Variants in AFDN observed in about 807,000 individuals in gnomAD.
AFDN encodes the protein afadin.
A neutral mutation model predicts 216.6 loss-of-function variants in AFDN; 68 were observed. The ratio of observed to expected loss-of-function variants is 0.31; its 90% confidence interval spans 0.26 to 0.38. AFDN has a LOEUF of 0.38. Among genes scored for constraint, AFDN ranks in the 10% least tolerant of loss-of-function variants. The pLI, the probability that AFDN is intolerant of heterozygous loss-of-function variation, is 1.00. For missense variants in AFDN, 2,136 were observed against 2,342.0 expected, an observed-to-expected ratio of 0.91 and a Z score of 1.82; for synonymous variants, 868 against 853.7, an observed-to-expected ratio of 1.02 and a Z score of -0.29.
chr6:167,957,140 G>T (rs1003110390), intron 30 of AFDN, among the ~76,000 whole-genome samples: 1 of 152,004 alleles, frequency 6.6e-6, no homozygotes, highest in Non-Finnish European at 1.5e-5. Flanking sequence ...GCACATGCAG[G>T]TGTCTCTCAG....
intron 1 of AFDN, among the ~76,000 whole-genome samples, chr6:167,852,077 G>C (rs763116419): frequency 6.6e-6 from 1 of 152,038 alleles, no homozygotes; most frequent in Non-Finnish European, 1.5e-5. Context: ...CCTAAAACCC[G>C]TCATGTTATT....
At chr6:167,873,998 A>G (rs1562589307) in intron 4 of AFDN, among the ~76,000 whole-genome samples, 1 of 152,260 alleles carries the variant, frequency 6.6e-6, no homozygotes, top group Non-Finnish European at 1.5e-5. Flanking sequence ...TGAGTCTAGT[A>G]TTACATAATA....
intron 23 of AFDN, among the ~76,000 whole-genome samples, chr6:167,930,299 T>C (rs765843981): frequency 5.9e-5 from 9 of 152,216 alleles, no homozygotes; most frequent in Non-Finnish European, 1.3e-4. Context: ...TTTTTTTACC[T>C]AGTGATAAAA....
intron 1 of AFDN, among the ~76,000 whole-genome samples, chr6:167,832,392 CGTT>C (rs1052924822): frequency 2.6e-5 from 4 of 152,092 alleles, no homozygotes; most frequent in Non-Finnish European, 5.9e-5. Context: ...GAACATTTCT[CGTT>C]GTGTGTAACT....
chr6:167,927,329 T>C (rs1411209641), intron 23 of AFDN, among the ~76,000 whole-genome samples: 1 of 152,110 alleles, frequency 6.6e-6, no homozygotes, highest in Non-Finnish European at 1.5e-5. Flanking sequence ...GAAACGAGTC[T>C]TGTGTGGGCC....
intron 1 of AFDN, among the ~76,000 whole-genome samples, chr6:167,833,765 G>A (rs940446115): frequency 1.3e-5 from 2 of 152,106 alleles, no homozygotes; most frequent in Non-Finnish European, 2.9e-5. Context: ...TGAAATGGGA[G>A]TAACAATATG....
chr6:167,847,089 GA>G (rs1781782488), intron 1 of AFDN, among the ~76,000 whole-genome samples: 1 of 152,008 alleles, frequency 6.6e-6, no homozygotes, highest in Non-Finnish European at 1.5e-5. Flanking sequence ...TTAACTTCAC[GA>G]AAACCACTCT....
intron 29 of AFDN, 105 bp downstream of exon 29, chr6:167,948,583 T>C: frequency 9.0e-7 from 1 of 1,108,330 alleles, no homozygotes; most frequent in Non-Finnish European, 1.2e-6. Flanking sequence ...GTTGGCCTTT[T>C]GTTTTTCCTT....
Position 167,907,285 on chromosome 6 carries a change from A to G in AFDN, c.1765A>G (p.Ser589Gly). The G allele has an allele frequency of 3.1e-6, 5 of 1,612,178 alleles. No homozygotes were observed. The highest frequency in any genetic ancestry group is 4.2e-6 in the Non-Finnish European group (5 of 1,178,216). ...GCAGCCAGATTATCGCAGGCAAGAA[A>G]GCAGGTAGGAAACACATCATTTTTC... ...EQQPDYRRQE[S>G]RTQDASGPEL... Residue 589 changes from serine (S) to glycine (G), a missense_variant, in exon 13 of 34, where the codon AGC (serine) becomes GGC (glycine). This residue lies in a region of AFDN where 817 missense variants were observed against 965.7 expected (regional missense o/e 0.85). Transcript: ENST00000683244.
At chr6:167,874,206 T>TGGA (rs1785088788) in intron 4 of AFDN, among the ~76,000 whole-genome samples, 1 of 152,198 alleles carries the variant, frequency 6.6e-6, no homozygotes. Flanking sequence ...ACTGTGCCAC[T>TGGA]GGACTACATA....
At chr6:167,832,025 G>A (rs1583071741) in intron 1 of AFDN, among the ~76,000 whole-genome samples, 1 of 152,168 alleles carries the variant, frequency 6.6e-6, no homozygotes, top group Non-Finnish European at 1.5e-5. Context: ...TTATTTTCAG[G>A]TTAGATTGAG....
At chr6:167,931,004 G>A (rs779882643) in intron 23 of AFDN, among the ~76,000 whole-genome samples, 6 of 138,652 alleles carry the variant, frequency 4.3e-5, no homozygotes, top group Non-Finnish European at 8.1e-5. Context: ...CAATAGGGTC[G>A]TGGCAGTGGA....
Position 167,962,978 on chromosome 6 carries a change from T to C in AFDN, c.4968+411T>C. The C allele has an allele frequency of 4.6e-6, 5 of 1,090,346 alleles. No homozygotes were observed. Among genetic ancestry groups the C allele is most frequent in the Non-Finnish European group, 5.6e-6 (5 of 893,318 alleles). 67.5% of individuals were successfully genotyped at this position (1,090,346 alleles called of 1,614,324 possible). Reference sequence around the variant, plus strand: ...GTAGGAGCGTAGTAAGACAGTTGGCTGCCATTCAACATTTCAAATAGATGG... The same window carrying C: ...GTAGGAGCGTAGTAAGACAGTTGGCCGCCATTCAACATTTCAAATAGATGG... On this transcript the variant is annotated intron_variant, in intron 31 of 33. Coordinates refer to ENST00000683244, the MANE Select transcript of AFDN (RefSeq NM_001386888.1). The surrounding 1 kb of genome is among the most constrained non-coding windows in gnomAD (Gnocchi z 5.2).
chr6:167,882,485 CAAAAA>C (rs143438459), intron 6 of AFDN, among the ~76,000 whole-genome samples: 2 of 142,464 alleles, frequency 1.4e-5, no homozygotes, highest in Non-Finnish European at 1.5e-5. Flanking sequence ...ACTAAAACTA[CAAAAA>C]AAAAAAAAAA....
At chr6:167,864,913 G>A (rs1435622837) in intron 2 of AFDN, 167 bp downstream of exon 2, 1 of 785,514 alleles carries the variant, frequency 1.3e-6, no homozygotes, top group South Asian at 1.3e-5. Flanking sequence ...TTTATGTCTG[G>A]GAAGTGTTCT....
At chr6:167,872,639 ACT>A (rs1282604797) in intron 4 of AFDN, among the ~76,000 whole-genome samples, 15 of 151,880 alleles carry the variant, frequency 9.9e-5, no homozygotes, top group African/African-American at 3.6e-4. Flanking sequence ...AAATAAGCAA[ACT>A]CTAGTTAACA....
chr6:167,917,043 T>G, intron 19 of AFDN, 46 bp from the exon 20 acceptor site: 1 of 1,546,718 alleles, frequency 6.5e-7, no homozygotes, highest in South Asian at 1.2e-5. Context: ...ATTTTTGAAA[T>G]AACTTTACAA....
rs184241022 is a variant in AFDN, at chr6:167,899,928, C to T, written c.1580+1461C>T. On this transcript the variant is annotated intron_variant, in intron 11 of 33. Transcript: ENST00000683244. ...AGCCTGTGTCCCACACCTAGTCTGC[C>T]CTTCGGTTTTGCTTGTAATGTTTTT... is the stretch of plus-strand genomic sequence containing the variant. Among the ~76,000 whole-genome samples, 388 of 152,234 alleles carry T rather than the reference C, an allele frequency of 2.5e-3. 2 individuals are homozygous for T. Among genetic ancestry groups the T allele is most frequent in the Middle Eastern group, 0.02 (6 of 294 alleles).
intron 8 of AFDN, among the ~76,000 whole-genome samples, chr6:167,893,429 G>T (rs1787856627): frequency 6.6e-6 from 1 of 152,152 alleles, no homozygotes; most frequent in Admixed American, 6.5e-5. Flanking sequence ...TGCTGGGTGT[G>T]GTTAGGAGTT....
Sources: allele counts gnomAD v4.1 joint callset (sites outside exome capture counted in the v4.1 genomes callset), GRCh38; gene constraint gnomAD v4.1.1; regional missense constraint gnomAD v4.1.1; non-coding constraint Gnocchi (gnomAD v3.1); transcripts MANE v1.5; gene names NCBI Gene and HGNC (gene_info 2026-07-23, HGNC 2026-07-21).